KRT23: variants seen among roughly 807,000 people sequenced by gnomAD.
The protein encoded by KRT23 is keratin 23.
KRT23 carries 38 observed loss-of-function variants against 47.6 expected under a neutral mutation model. The ratio of observed to expected loss-of-function variants is 0.80; its 90% confidence interval spans 0.62 to 1.05. The LOEUF is 1.05. Ranked by LOEUF, KRT23 falls within the 50% of genes least tolerant of loss-of-function variation. KRT23 has a pLI of 0.00. For synonymous variants in KRT23, 191 were observed against 199.0 expected (o/e 0.96, Z 0.34); for missense variants, 503 against 529.5 (o/e 0.95, Z 0.49).
Position 40,936,297 on chromosome 17 carries a change from G to A in KRT23, c.307C>T (p.Arg103Cys). Residue 103 changes from arginine (R) to cysteine (C), a missense_variant, in exon 2 of 9, where the codon CGC becomes TGC. Transcript: ENST00000209718. Reference sequence around the variant, plus strand: ...CTCTGCTGGTGCCATTTCAGGATGCGGCTTTCCAGCTTCATGTTGGCCTCC... The same window carrying A: ...CTCTGCTGGTGCCATTTCAGGATGCAGCTTTCCAGCTTCATGTTGGCCTCC... ...LEEANMKLES[R>C]ILKWHQQRDP... 1.2e-6 allele frequency: 2 copies of A among 1,614,178 alleles called. No individual in the cohort carries two copies. Among genetic ancestry groups the A allele is most frequent in the East Asian group, 2.2e-5 (1 of 44,882 alleles).
At chr17:40,924,413 T>G in intron 8 of KRT23, 59 bp downstream of exon 8, 1 of 1,396,068 alleles carries the variant, frequency 7.2e-7, no homozygotes, top group Non-Finnish European at 1.0e-6. Flanking sequence ...TACTACAAAA[T>G]GGATAACCAT....
intron 6 of KRT23, among the ~76,000 whole-genome samples, chr17:40,925,779 T>C (rs1344960359): frequency 6.6e-6 from 1 of 152,204 alleles, no homozygotes; most frequent in Non-Finnish European, 1.5e-5. Context: ...TTGAAGTCCA[T>C]TGCCTTGCTC....
intron 2 of KRT23, among the ~76,000 whole-genome samples, chr17:40,933,297 TA>T (rs1018057859): frequency 9.9e-5 from 15 of 152,162 alleles, no homozygotes; most frequent in Non-Finnish European, 2.9e-5. Context: ...TCCCTTGCTA[TA>T]AAGAAGGACA....
rs1056334343 is a variant in KRT23 at position 40,928,549 on chromosome 17, C to G, written c.695G>C (p.Gly232Ala). Reference protein sequence around the residue: ...DFNVNVKVDTGPREDLIKVLE... With the variant: ...DFNVNVKVDTAPREDLIKVLE... ...GACCTTAATCAGATCTTCCCTGGGA[C>G]CTGTATCCACCTTCACATTGACATT... is the stretch of plus-strand genomic sequence containing the variant. The change falls in exon 5 of 9, where the codon GGT (glycine) becomes GCT (alanine). Residue 232 changes from glycine (G) to alanine (A), a missense_variant. Transcript: ENST00000209718. 6 of 1,613,786 alleles carry G rather than the reference C, an allele frequency of 3.7e-6. No homozygotes were observed. The highest frequency in any genetic ancestry group is 1.7e-5 in the Admixed American group (1 of 60,006).
At position 40,928,587 on chromosome 17, in the gene KRT23, C is replaced by T. The variant is rs1300999619; in HGVS notation, c.657G>A (p.Val219=). The part of the protein sequence containing the change: ...HHEQEMEKHH[V]PSDFNVNVKV... The stretch of plus-strand genomic sequence containing the variant: ...TCACATTGACATTGAAGTCACTTGG[C>T]ACATGATGCTTCTCCATTTCCTATT... Residue 219 remains valine, a synonymous_variant, in exon 5 of 9, where the codon GTG becomes GTA. Transcript: ENST00000209718. 3 of 1,613,080 alleles carry T rather than the reference C, an allele frequency of 1.9e-6. No individual in the cohort carries two copies. In the South Asian group the frequency reaches 3.3e-5, roughly 18 times the overall value.
Position 40,931,377 on chromosome 17 carries a change from G to A in KRT23, c.475C>T (p.Leu159Phe). Residue 159 changes from leucine (L) to phenylalanine (F), a missense_variant, in exon 3 of 9, where the codon CTC becomes TTC. By Grantham distance (22) the Leu-to-Phe change is conservative (BLOSUM62 0). Coordinates refer to ENST00000209718, the MANE Select transcript of KRT23 (RefSeq NM_015515.5). ...NARMAVDDFN[L>F]KYENEHSFKK... is the part of the protein sequence containing the mutation. ...CCCTGTGAAGAAGGAACTTACTTGA[G>A]GTTGAAGTCATCCACTGCCATCCTG... 6.2e-7 allele frequency: 1 copy of A among 1,608,640 alleles called. No individual in the cohort carries two copies. Among genetic ancestry groups the A allele is most frequent in the Non-Finnish European group, 8.5e-7 (1 of 1,174,922 alleles).
Position 40,936,656 on chromosome 17 carries a change from G to C in KRT23, c.-53C>G. On this transcript the variant is annotated 5_prime_UTR_variant, in exon 2 of 9. Transcript: ENST00000209718. ...GAGCTCTGCTCCACTCCCTGGCACC[G>C]CAGAACTGAGCCGCCCCAGACTGCC... The C allele has an allele frequency of 6.8e-7, 1 of 1,461,432 alleles. No homozygotes were observed. Among genetic ancestry groups the C allele is most frequent in the South Asian group, 1.6e-5 (1 of 62,448 alleles). The allele number at this position is 1,461,432 out of a possible 1,614,324, so 90.5% of individuals were successfully genotyped here. A position where few individuals can be genotyped will look rare whatever the true frequency, so the allele number is the denominator to read the frequency against.
rs746203878 is a variant in KRT23, at chr17:40,925,512, G to A, written c.984C>T (p.Asp328=). 3.1e-6 allele frequency: 5 copies of A among 1,614,180 alleles called. No individual in the cohort carries two copies. The highest frequency in any genetic ancestry group is 3.4e-6 in the Non-Finnish European group (4 of 1,180,000). The change falls in exon 7 of 9, where the codon GAC becomes GAT. Residue 328 remains aspartate (D), a synonymous_variant. Coordinates refer to ENST00000209718, the MANE Select transcript of KRT23 (RefSeq NM_015515.5). The part of the protein sequence containing the change: ...TQSRYSCKLQ[D]MQEIISHYEE... ...CATAGTGGGAGATGATCTCTTGCAT[G>A]TCCTGGAGCTTGCAGGAGTACCGAG... is the stretch of plus-strand genomic sequence containing the variant.
intron 4 of KRT23, 31 bp downstream of exon 4, chr17:40,929,909 C>CA: frequency 6.2e-7 from 1 of 1,606,420 alleles, no homozygotes; most frequent in Non-Finnish European, 8.5e-7. Context: ...AAGAGCTGTG[C>CA]TTATTAGCAG....
intron 4 of KRT23, 103 bp downstream of exon 4, chr17:40,929,837 G>A: frequency 3.2e-6 from 3 of 941,208 alleles, no homozygotes; most frequent in Non-Finnish European, 4.8e-6. Context: ...AAGGACAAGG[G>A]GATTGGCATC....
In KRT23 at chr17:40,936,786, A is replaced by C. The variant is rs1412207326; in HGVS notation, c.-183T>G. 8 of 509,448 alleles carry C rather than the reference A, an allele frequency of 1.6e-5. No individual in the cohort carries two copies. The highest frequency in any genetic ancestry group is 2.6e-5 in the Non-Finnish European group (8 of 309,140). The allele number at this position is 509,448 out of a possible 1,614,324, so 31.6% of individuals were successfully genotyped here. On this transcript the variant is annotated 5_prime_UTR_variant, in exon 2 of 9. Transcript: ENST00000209718. ...TGTGTTTCCTCTTGGTCAATCCCAAAGTGCCCCTGGGCCTTCGCACACTGT... is the reference window on the plus strand; with the variant it reads ...TGTGTTTCCTCTTGGTCAATCCCAACGTGCCCCTGGGCCTTCGCACACTGT...
At chr17:40,923,242 C>T (rs895528669) in intron 8 of KRT23, among the ~76,000 whole-genome samples, 159 bp from the exon 9 acceptor site, 1 of 152,212 alleles carries the variant, frequency 6.6e-6, no homozygotes, top group Non-Finnish European at 1.5e-5. Flanking sequence ...AAAGGGATTT[C>T]CCAAAGGAGG....
chr17:40,933,590 G>A (rs1243286257), intron 2 of KRT23, among the ~76,000 whole-genome samples: 1 of 152,130 alleles, frequency 6.6e-6, no homozygotes, highest in Non-Finnish European at 1.5e-5. Context: ...GGGTTAAATT[G>A]GTAATTTATC....
At chr17:40,933,069 G>A (rs1324774417) in intron 2 of KRT23, among the ~76,000 whole-genome samples, 5 of 152,184 alleles carry the variant, frequency 3.3e-5, no homozygotes, top group African/African-American at 4.8e-5. Context: ...AAAATTGGTC[G>A]AAACTGAATT....
chr17:40,931,605 T>C, intron 2 of KRT23, 150 bp from the exon 3 acceptor site: 2 of 630,480 alleles, frequency 3.2e-6, no homozygotes, highest in South Asian at 1.9e-5. Flanking sequence ...AATAACCGAA[T>C]CAGTAAATGC....
At chr17:40,935,788 A>G (rs1385313903) in intron 2 of KRT23, among the ~76,000 whole-genome samples, 1 of 152,190 alleles carries the variant, frequency 6.6e-6, no homozygotes, top group East Asian at 1.9e-4. Flanking sequence ...GAGAAAGTAA[A>G]CACTCTCTTA....
chr17:40,932,599 A>G (rs1194369141), intron 2 of KRT23, among the ~76,000 whole-genome samples: 1 of 152,182 alleles, frequency 6.6e-6, no homozygotes, highest in Non-Finnish European at 1.5e-5. Context: ...AGGAGTCTGT[A>G]CTAGAGACAG....
Position 40,928,369 on chromosome 17 carries a change from C to A in KRT23, c.799-9G>T. 1 of 1,614,146 alleles carries A rather than the reference C, an allele frequency of 6.2e-7. No homozygotes were observed. Among genetic ancestry groups the A allele is most frequent in the Non-Finnish European group, 8.5e-7 (1 of 1,180,024 alleles). ...TGGGACATGGCTGCAGACTGTGGGA[C>A]CAAGCAAGGCAAAGGCGTCAGCATT... On this transcript the variant is annotated splice_polypyrimidine_tract_variant and intron_variant, in intron 5 of 8. Coordinates refer to ENST00000209718, the MANE Select transcript of KRT23 (RefSeq NM_015515.5).
At chr17:40,923,130 A>G in intron 8 of KRT23, 47 bp from the exon 9 acceptor site, 1 of 1,378,518 alleles carries the variant, frequency 7.3e-7, no homozygotes, top group Non-Finnish European at 1.0e-6. Flanking sequence ...TTCTTCCACC[A>G]TCTGAACTGT....
Sources: gnomAD v4.1 joint callset for allele counts (sites outside exome capture counted in the v4.1 genomes callset) on GRCh38, gnomAD v4.1.1 for gene constraint, MANE v1.5 for transcripts, NCBI Gene and HGNC (gene_info 2026-07-23, HGNC 2026-07-21) for gene names.